ZNF385B: variants seen among roughly 807,000 people sequenced by gnomAD.
The protein encoded by ZNF385B is zinc finger protein 385B, also known as zinc finger protein 533.
A neutral mutation model predicts 39.2 loss-of-function variants in ZNF385B; 23 were observed. The observed-to-expected ratio is 0.59, with a 90% confidence interval of 0.42 to 0.83. ZNF385B has a LOEUF of 0.83. Ranked by LOEUF, ZNF385B falls within the 40% of genes least tolerant of loss-of-function variation. The pLI is 0.00. For synonymous variants in ZNF385B, 205 were observed against 222.6 expected (o/e 0.92, Z 0.70); for missense variants, 552 against 598.9 (o/e 0.92, Z 0.82).
At chr2:179,461,599 C>A (rs928145975) in intron 6 of ZNF385B, among the ~76,000 whole-genome samples, 2 of 152,154 alleles carry the variant, frequency 1.3e-5, no homozygotes, top group African/African-American at 4.8e-5. Context: ...GGCCTTTTAG[C>A]CAGAAAAACC....
intron 3 of ZNF385B, among the ~76,000 whole-genome samples, chr2:179,628,803 G>A (rs906954976): frequency 2.6e-5 from 4 of 152,028 alleles, no homozygotes; most frequent in East Asian, 1.9e-4. Context: ...GACATTTTAC[G>A]TATCAACTAT....
chr2:179,496,527 C>T (rs950584613), intron 5 of ZNF385B, among the ~76,000 whole-genome samples: 1 of 152,146 alleles, frequency 6.6e-6, no homozygotes, highest in African/African-American at 2.4e-5. Context: ...CCCAAAAAGA[C>T]TACCTCAAGG....
chr2:179,724,214 C>T (rs886921127), intron 3 of ZNF385B, among the ~76,000 whole-genome samples: 7 of 152,242 alleles, frequency 4.6e-5, no homozygotes, highest in Admixed American at 4.6e-4. Context: ...GAGGCCAAGG[C>T]AGGAGAATCT....
intron 3 of ZNF385B, among the ~76,000 whole-genome samples, chr2:179,567,452 G>A (rs984287147): frequency 6.6e-6 from 1 of 152,022 alleles, no homozygotes; most frequent in Non-Finnish European, 1.5e-5. Flanking sequence ...TCTATTTAGA[G>A]AACAAAAATA....
At chr2:179,445,432 TC>T in intron 8 of ZNF385B, 117 bp downstream of exon 8, 1 of 934,678 alleles carries the variant, frequency 1.1e-6, no homozygotes, top group Non-Finnish European at 1.6e-6. Context: ...ATTGTCTGCA[TC>T]CTACAAAAGT....
At chr2:179,526,949 C>T (rs2058946174) in intron 4 of ZNF385B, among the ~76,000 whole-genome samples, 1 of 152,220 alleles carries the variant, frequency 6.6e-6, no homozygotes. Context: ...GATACAACTA[C>T]CCAGGCAGAA....
rs1365244927 is a variant in ZNF385B, at chr2:179,764,677, G to T, written c.298+4826C>A. 6.6e-5 allele frequency among the ~76,000 whole-genome samples: 10 copies of T among 151,892 alleles called. 1 individual carries two copies. In the South Asian group the frequency reaches 2.1e-3, roughly 32 times the overall value. On this transcript the variant is annotated intron_variant, in intron 3 of 9. Coordinates refer to ENST00000410066, the MANE Select transcript of ZNF385B (RefSeq NM_152520.6). ...TGTGACTTATGGCAGACAATTTATT[G>T]GTATCAGCATTTAACTTTCCTACTT...
At chr2:179,546,975 C>A (rs1384987578) in intron 3 of ZNF385B, among the ~76,000 whole-genome samples, 1 of 149,718 alleles carries the variant, frequency 6.7e-6, no homozygotes, top group Non-Finnish European at 1.5e-5. Context: ...TTTTGAAGAT[C>A]AATAATGATT....
At chr2:179,573,337 G>A (rs1685446122) in intron 3 of ZNF385B, among the ~76,000 whole-genome samples, 1 of 151,962 alleles carries the variant, frequency 6.6e-6, no homozygotes, top group African/African-American at 2.4e-5. Context: ...ACCTAGACTT[G>A]GATGAAAGGA....
intron 3 of ZNF385B, among the ~76,000 whole-genome samples, chr2:179,640,729 A>G (rs1321094023): frequency 6.6e-6 from 1 of 152,184 alleles, no homozygotes; most frequent in Non-Finnish European, 1.5e-5. Context: ...GAATAAACTA[A>G]TGAACTCAGG....
At chr2:179,686,145 A>G (rs1697908689) in intron 3 of ZNF385B, among the ~76,000 whole-genome samples, 1 of 152,182 alleles carries the variant, frequency 6.6e-6, no homozygotes, top group African/African-American at 2.4e-5. Context: ...ATATAAACAT[A>G]TTTCCCTCCC....
rs1471241640 is a variant in ZNF385B, at chr2:179,554,366, T to G, written c.299-9397A>C. Among the ~76,000 whole-genome samples, 14 of 149,304 alleles carry G rather than the reference T, an allele frequency of 9.4e-5. 3 individuals are homozygous for G. The highest frequency in any genetic ancestry group is 3.5e-4 in the African/African-American group (14 of 39,604). ...ATGAGATATCTCTTAAGATAAACTT[T>G]GAGGAATGGCTTGTGTTTGAGGGGT... On this transcript the variant is annotated intron_variant, in intron 3 of 9. Coordinates refer to ENST00000410066, the MANE Select transcript of ZNF385B (RefSeq NM_152520.6).
chr2:179,594,296 T>C (rs1296639771), intron 3 of ZNF385B, among the ~76,000 whole-genome samples: 1 of 152,200 alleles, frequency 6.6e-6, no homozygotes, highest in African/African-American at 2.4e-5. Context: ...GAATAAGAAG[T>C]GGTTAATTCC....
chr2:179,514,040 C>T (rs2057897372), intron 5 of ZNF385B: 2 of 152,220 alleles, frequency 1.3e-5, no homozygotes, highest in South Asian at 4.1e-4. Context: ...TTGCTTTCAT[C>T]ACAAATTTTT....
rs375125751 is a variant in ZNF385B at position 179,809,532 on chromosome 2, G to A, written c.-154-38860C>T. Among the ~76,000 whole-genome samples, 17 of 152,178 alleles carry A rather than the reference G, an allele frequency of 1.1e-4. 1 individual carries two copies. Among genetic ancestry groups the A allele is most frequent in the South Asian group, 2.1e-4 (1 of 4,826 alleles). ...AAAATACAAGTCACAGAGTTCTATCGTTGAGTCTTATGCTACATACAGTGC... is the reference window on the plus strand; with the variant it reads ...AAAATACAAGTCACAGAGTTCTATCATTGAGTCTTATGCTACATACAGTGC... On this transcript the variant is annotated intron_variant, in intron 1 of 9. Transcript: ENST00000410066.
chr2:179,576,192 C>A (rs1685792007), intron 3 of ZNF385B: 1 of 985,244 alleles, frequency 1.0e-6, no homozygotes. Flanking sequence ...CATCTCTTCA[C>A]ATCATTACTG....
In ZNF385B at chr2:179,663,571, G is replaced by A. The variant is rs370797853; in HGVS notation, c.298+105932C>T. The stretch of plus-strand genomic sequence containing the variant: ...TAAAAATACAAAAAATTAGACGGGC[G>A]TGGTGGCGGGCGCCTGTAGTCCCAG... On this transcript the variant is annotated intron_variant, in intron 3 of 9. Coordinates refer to ENST00000410066, the MANE Select transcript of ZNF385B (RefSeq NM_152520.6). Among the ~76,000 whole-genome samples, 222 of 152,116 alleles carry A rather than the reference G, an allele frequency of 1.5e-3. 1 individual carries two copies. Among genetic ancestry groups the A allele is most frequent in the African/African-American group, 5.0e-3 (209 of 41,512 alleles).
intron 1 of ZNF385B, among the ~76,000 whole-genome samples, chr2:179,854,516 C>T: frequency 6.6e-6 from 1 of 151,466 alleles, no homozygotes; most frequent in East Asian, 1.9e-4. Context: ...ACCTATTTCA[C>T]AGGAATAGGA....
At chr2:179,502,292 A>G (rs1574480229) in intron 5 of ZNF385B, among the ~76,000 whole-genome samples, 1 of 152,338 alleles carries the variant, frequency 6.6e-6, no homozygotes, top group East Asian at 1.9e-4. Context: ...TTGGGAAGGC[A>G]TGATTGTGCT....
Sources: allele counts gnomAD v4.1 joint callset (sites outside exome capture counted in the v4.1 genomes callset), GRCh38; gene constraint gnomAD v4.1.1; transcripts MANE v1.5; gene names NCBI Gene and HGNC (gene_info 2026-07-23, HGNC 2026-07-21).